CIAO1: variants seen among roughly 807,000 people sequenced by gnomAD.
CIAO1 encodes the protein probable cytosolic iron-sulfur protein assembly protein CIAO1.
In CIAO1, 32 loss-of-function variants were observed where a neutral mutation model predicts 43.1. That is an observed-to-expected ratio of 0.74 (90% confidence interval 0.56 to 1.00). CIAO1 has a LOEUF of 1.00. Among genes scored for constraint, CIAO1 ranks in the 50% least tolerant of loss-of-function variants. The probability of loss-of-function intolerance (pLI) is 0.00; values close to 1 mark genes in which losing one functional copy is unlikely to be tolerated. For missense variants in CIAO1, 415 were observed against 437.4 expected, an observed-to-expected ratio of 0.95 and a Z score of 0.46; for synonymous variants, 183 against 171.4, an observed-to-expected ratio of 1.07 and a Z score of -0.53.
At position 96,266,251 on chromosome 2, in the gene CIAO1, G is replaced by T; in HGVS notation, c.-100G>T. On this transcript the variant is annotated 5_prime_UTR_variant, in exon 1 of 7. Transcript: ENST00000488633. ...GCGGAAGCGGGAGCCTCTGTCGGCC[G>T]CGGAAGCCTGGAGTGGGCGGTACGC... The T allele has an allele frequency of 8.1e-7, 1 of 1,235,564 alleles. No individual in the cohort carries two copies. The highest frequency in any genetic ancestry group is 1.0e-6 in the Non-Finnish European group (1 of 977,658). The allele number at this position is 1,235,564 out of a possible 1,614,324, so 76.5% of individuals were successfully genotyped here.
intron 3 of CIAO1, 36 bp downstream of exon 3, chr2:96,267,772 C>G (rs758198151): frequency 6.2e-7 from 1 of 1,612,238 alleles, no homozygotes; most frequent in East Asian, 2.2e-5. Flanking sequence ...TTGGGAACCA[C>G]CTGACAGCCC....
At chr2:96,270,736 G>C (rs980759554) in intron 6 of CIAO1, among the ~76,000 whole-genome samples, 29 of 151,856 alleles carry the variant, frequency 1.9e-4, no homozygotes, top group South Asian at 1.7e-3. Context: ...CTTGAACCTG[G>C]GAGGGGGAGG....
At chr2:96,266,864 G>T (rs1684442084) in intron 1 of CIAO1, among the ~76,000 whole-genome samples, 1 of 152,176 alleles carries the variant, frequency 6.6e-6, no homozygotes, top group African/African-American at 2.4e-5. Flanking sequence ...GTTGGGCGCG[G>T]TGGCTCACGC....
At chr2:96,268,902 T>C in intron 5 of CIAO1, 1 of 571,276 alleles carries the variant, frequency 1.8e-6, no homozygotes, top group Non-Finnish European at 3.1e-6. Context: ...AACTCAACAG[T>C]GTGAGTAAAG....
rs185019790 is a variant in CIAO1 at position 96,267,599 on chromosome 2, T to A, written c.289-26T>A. ...GCTTAGGGGTGTTAGCTGCTGTTAATTCTCATTTTCTTTCCCCTTTCACAG... is the reference window on the plus strand; with the variant it reads ...GCTTAGGGGTGTTAGCTGCTGTTAAATCTCATTTTCTTTCCCCTTTCACAG... On this transcript the variant is annotated intron_variant, in intron 2 of 6. Coordinates refer to ENST00000488633, the MANE Select transcript of CIAO1 (RefSeq NM_004804.3). 3.8e-5 allele frequency: 62 copies of A among 1,611,896 alleles called. No homozygotes were observed. The East Asian group carries it at 1.4e-3, about 35-fold the overall frequency.
intron 1 of CIAO1, among the ~76,000 whole-genome samples, chr2:96,266,960 C>T (rs1177269678): frequency 6.6e-6 from 1 of 151,850 alleles, no homozygotes; most frequent in African/African-American, 2.4e-5. Flanking sequence ...CATGGTGAAA[C>T]CCCGTCTCTA....
chr2:96,273,534 T>TC lies in CIAO1; in HGVS notation c.*2186dup, dbSNP rs1684594616. 6.6e-6 allele frequency among the ~76,000 whole-genome samples: 1 copy of TC among 151,740 alleles called. No individual in the cohort carries two copies. The highest frequency in any genetic ancestry group is 2.4e-5 in the African/African-American group (1 of 41,282). On this transcript the variant is annotated 3_prime_UTR_variant, in exon 7 of 7. Transcript: ENST00000488633. ...AAAATTAGCCGGGCGTGGTGGCAGA[T>TC]CCCTTGTAGTCCCAGCTACTCGGGA...
rs1684600076 is a variant in CIAO1, at chr2:96,273,712, AAAG to A, written c.*2364_*2366del. On this transcript the variant is annotated 3_prime_UTR_variant, in exon 7 of 7. Transcript: ENST00000488633. ...TCACTTGTAGTCTTGGTGTGGTATC[AAAG>A]AATAGCCACAATTAGCTGAAAAGGC... Among the ~76,000 whole-genome samples, 1 of 152,046 alleles carries A rather than the reference AAAG, an allele frequency of 6.6e-6. No individual in the cohort carries two copies. The highest frequency in any genetic ancestry group is 1.5e-5 in the Non-Finnish European group (1 of 68,024).
intron 2 of CIAO1, 60 bp from the exon 3 acceptor site, chr2:96,267,565 T>G: frequency 6.2e-7 from 1 of 1,609,324 alleles, no homozygotes; most frequent in Non-Finnish European, 8.5e-7. Flanking sequence ...GCTGTACCCA[T>G]GGGAAGGGGC....
chr2:96,267,717 G>A lies in CIAO1; in HGVS notation c.381G>A (p.Lys127=). 1 of 1,614,224 alleles carries A rather than the reference G, an allele frequency of 6.2e-7. No homozygotes were observed. The highest frequency in any genetic ancestry group is 8.5e-7 in the Non-Finnish European group (1 of 1,180,042). Residue 127 remains lysine, a synonymous_variant, in exon 3 of 7, where the codon AAG becomes AAA. Coordinates refer to ENST00000488633, the MANE Select transcript of CIAO1 (RefSeq NM_004804.3). ...TCCTGGCCACTTGCAGCCGAGATAA[G>A]AGCGTTTGGGTCTGGGAAGGTGAGG... ...GNLLATCSRD[K]SVWVWEVDEE...
intron 4 of CIAO1, 106 bp from the exon 5 acceptor site, chr2:96,268,351 C>T: frequency 3.0e-6 from 3 of 1,004,004 alleles, no homozygotes; most frequent in Non-Finnish European, 4.5e-6. Context: ...AACTTCATCT[C>T]AAATAAATAA....
chr2:96,270,868 A>G (rs139626749), intron 6 of CIAO1, among the ~76,000 whole-genome samples: 1 of 152,162 alleles, frequency 6.6e-6, no homozygotes, highest in African/African-American at 2.4e-5. Flanking sequence ...CCAAGTGAGG[A>G]AAGTGCAGTT....
chr2:96,266,559 C>G, intron 1 of CIAO1, 70 bp downstream of exon 1: 1 of 1,311,904 alleles, frequency 7.6e-7, no homozygotes, highest in Non-Finnish European at 9.8e-7. Context: ...AGGCGCTCAG[C>G]CTGCAGGGGA....
At chr2:96,267,550 G>C in intron 2 of CIAO1, 75 bp from the exon 3 acceptor site, 1 of 1,609,236 alleles carries the variant, frequency 6.2e-7, no homozygotes, top group Non-Finnish European at 8.5e-7. Context: ...ACCTGCGCCA[G>C]TTGGGCTGTA....
chr2:96,270,809 C>CAAAAAAAAAAAAAAAAAA, intron 6 of CIAO1, among the ~76,000 whole-genome samples: 1 of 53,828 alleles, frequency 1.9e-5, no homozygotes, highest in Non-Finnish European at 3.9e-5. Flanking sequence ...GACTCCATCT[C>CAAAAAAAAAAAAAAAAAA]AAAAAAAAAA....
rs1049624980 is a variant in CIAO1, at chr2:96,273,740, C to T, written c.*2389C>T. On this transcript the variant is annotated 3_prime_UTR_variant, in exon 7 of 7. Transcript: ENST00000488633. ...GAATAGCCACAATTAGCTGAAAAGGCTATTTTAAAAACTTTTCCAACTGCG... is the reference window on the plus strand; with the variant it reads ...GAATAGCCACAATTAGCTGAAAAGGTTATTTTAAAAACTTTTCCAACTGCG... Among the ~76,000 whole-genome samples the T allele has an allele frequency of 6.6e-6, 1 of 151,090 alleles. No homozygotes were observed. Among genetic ancestry groups the T allele is most frequent in the African/African-American group, 2.4e-5 (1 of 41,042 alleles).
At position 96,268,476 on chromosome 2, in the gene CIAO1, A is replaced by G. The variant is rs1684479792; in HGVS notation, c.509A>G (p.Tyr170Cys). 4.3e-6 allele frequency: 7 copies of G among 1,614,102 alleles called. No individual in the cohort carries two copies. Among genetic ancestry groups the G allele is most frequent in the Admixed American group, 1.7e-5 (1 of 60,008 alleles). The change falls in exon 5 of 7, where the codon TAT becomes TGT. Residue 170 changes from tyrosine (Y) to cysteine (C), a missense_variant. Coordinates refer to ENST00000488633, the MANE Select transcript of CIAO1 (RefSeq NM_004804.3). Reference sequence around the variant, plus strand: ...CCCCAGCTCTTAGCTTCTGCCAGCTATGATGACACAGTGAAGCTGTACCGG... The same window carrying G: ...CCCCAGCTCTTAGCTTCTGCCAGCTGTGATGACACAGTGAAGCTGTACCGG... ...PSQELLASAS[Y>C]DDTVKLYREE...
Position 96,267,408 on chromosome 2 carries a change from T to G in CIAO1, c.227T>G (p.Leu76Arg). 2 of 1,614,168 alleles carry G rather than the reference T, an allele frequency of 1.2e-6. No homozygotes were observed. Among genetic ancestry groups the G allele is most frequent in the Non-Finnish European group, 1.7e-6 (2 of 1,180,012 alleles). The change falls in exon 2 of 7, where the codon CTG becomes CGG. Residue 76 changes from leucine (L) to arginine (R), a missense_variant. Coordinates refer to ENST00000488633, the MANE Select transcript of CIAO1 (RefSeq NM_004804.3). ...KVAWSPCGNY[L>R]ASASFDATTC... ...GCCTGGTCCCCCTGCGGTAATTACC[T>G]GGCCTCTGCCAGCTTTGATGCTACC...
chr2:96,269,738 C>T (rs575169890), intron 6 of CIAO1, among the ~76,000 whole-genome samples: 1 of 152,190 alleles, frequency 6.6e-6, no homozygotes, highest in African/African-American at 2.4e-5. Context: ...AGCTCCGTCT[C>T]CCGGGTTCAC....
Sources: allele counts gnomAD v4.1 joint callset (sites outside exome capture counted in the v4.1 genomes callset), GRCh38; gene constraint gnomAD v4.1.1; transcripts MANE v1.5; gene names NCBI Gene and HGNC (gene_info 2026-07-23, HGNC 2026-07-21).